RALGDS: variants seen among roughly 807,000 people sequenced by gnomAD.
The protein encoded by RALGDS is ral guanine nucleotide exchange factor.
A neutral mutation model predicts 99.8 loss-of-function variants in RALGDS; 44 were observed. The ratio of observed to expected loss-of-function variants is 0.44; its 90% CI spans 0.35 to 0.57. The LOEUF (loss-of-function observed/expected upper bound fraction) is 0.57, where lower values mean the gene tolerates loss of function less well. Ranked by LOEUF, RALGDS falls within the 20% of genes least tolerant of loss-of-function variation. The pLI is 0.01. For missense variants in RALGDS, 1,022 were observed against 1,203.1 expected (o/e 0.85, Z 2.23); for synonymous variants, 529 against 505.0 (o/e 1.05, Z -0.64).
chr9:133,122,705 C>G (rs542510904), upstream of RALGDS, among the ~76,000 whole-genome samples: 6 of 152,328 alleles, frequency 3.9e-5, no homozygotes, highest in African/African-American at 1.4e-4. Context: ...ATAATCAGCT[C>G]TATGTGATAA....
chr9:133,102,963 C>A (rs780381790), intron 12 of RALGDS, 63 bp from the exon 13 acceptor site: 6 of 1,601,734 alleles, frequency 3.7e-6, no homozygotes, highest in Non-Finnish European at 5.1e-6. Flanking sequence ...GGGCCAGTCT[C>A]TGGGTCTTTG....
intron 4 of RALGDS, among the ~76,000 whole-genome samples, chr9:133,109,087 C>G (rs560048669): frequency 6.6e-6 from 1 of 152,226 alleles, no homozygotes; most frequent in Non-Finnish European, 1.5e-5. Context: ...CCAGCACCCC[C>G]TCCTCGCTGG....
intron 3 of RALGDS, 113 bp from the exon 4 acceptor site, chr9:133,109,834 A>G: frequency 1.2e-6 from 1 of 805,440 alleles, no homozygotes; most frequent in Non-Finnish European, 2.1e-6. Flanking sequence ...ATGCCTAGAA[A>G]AGGGCCAGCA....
At chr9:133,127,851 AC>A (rs1832211242) in intron 1 of RALGDS, among the ~76,000 whole-genome samples, 3 of 152,270 alleles carry the variant, frequency 2.0e-5, no homozygotes, top group African/African-American at 7.2e-5. Context: ...TGTGACAGCA[AC>A]CCTCTGACCT....
Position 133,099,208 on chromosome 9 carries a change from C to T in RALGDS, c.2570-446G>A, listed in dbSNP as rs546913245. On this transcript the variant is annotated intron_variant, in intron 17 of 17. Transcript: ENST00000372050. ...GGCCTGTACTCCTTGAACCCTGGCA[C>T]CCGGCAAGCACTTCCTTTTGGCTCC... 8 of 173,760 alleles carry T rather than the reference C, an allele frequency of 4.6e-5. No individual in the cohort carries two copies. In the South Asian group the frequency reaches 8.3e-4, roughly 18 times the overall value. 10.8% of individuals were successfully genotyped at this position (173,760 alleles called of 1,614,324 possible).
intron 1 of RALGDS, among the ~76,000 whole-genome samples, chr9:133,138,924 G>A (rs1035811059): frequency 4.6e-5 from 7 of 152,212 alleles, no homozygotes; most frequent in East Asian, 1.9e-4. Flanking sequence ...ATGAGCCACC[G>A]CACCTGTCCA....
intron 1 of RALGDS, among the ~76,000 whole-genome samples, chr9:133,146,670 G>A (rs1832628922): frequency 6.6e-6 from 1 of 152,220 alleles, no homozygotes; most frequent in Non-Finnish European, 1.5e-5. Context: ...CACAGGTGAT[G>A]TGAGGTCACT....
intron 1 of RALGDS, among the ~76,000 whole-genome samples, chr9:133,147,936 G>A (rs1832652243): frequency 2.0e-5 from 3 of 152,150 alleles, no homozygotes; most frequent in South Asian, 2.1e-4. Context: ...CCAGGGCAAC[G>A]GCTCTGGCCC....
intron 1 of RALGDS, among the ~76,000 whole-genome samples, chr9:133,138,292 G>A (rs1332697840): frequency 6.6e-6 from 1 of 152,180 alleles, no homozygotes; most frequent in African/African-American, 2.4e-5. Flanking sequence ...GAGGGACACT[G>A]CTGTGTCCCA....
rs1830597121 is a variant in RALGDS, at chr9:133,098,481, T to A, written c.*106A>T. 2.5e-6 allele frequency: 3 copies of A among 1,199,002 alleles called. No homozygotes were observed. The highest frequency in any genetic ancestry group is 3.6e-6 in the Non-Finnish European group (3 of 827,238). 74.3% of individuals were successfully genotyped at this position (1,199,002 alleles called of 1,614,324 possible). ...AGAGGTTCAGGATGAAACTGGAGTC[T>A]GGGGTACCCTGGGCTGGCAGGTGGG... On this transcript the variant is annotated 3_prime_UTR_variant, in exon 18 of 18. Transcript: ENST00000372050.
chr9:133,139,715 A>C (rs1217685836), intron 1 of RALGDS, among the ~76,000 whole-genome samples: 1 of 152,176 alleles, frequency 6.6e-6, no homozygotes, highest in Non-Finnish European at 1.5e-5. Context: ...CCCTCCACCC[A>C]CACCCTGGCT....
At chr9:133,104,468 G>C in intron 9 of RALGDS, 137 bp from the exon 10 acceptor site, 1 of 792,414 alleles carries the variant, frequency 1.3e-6, no homozygotes, top group Non-Finnish European at 2.1e-6. Context: ...TCCTGGGCCG[G>C]TGGCCTGGCC....
At chr9:133,107,372 C>T in intron 6 of RALGDS, 72 bp from the exon 7 acceptor site, 1 of 1,333,754 alleles carries the variant, frequency 7.5e-7, no homozygotes, top group Non-Finnish European at 1.1e-6. Context: ...GCTGAGGATG[C>T]AGCTTGAGCC....
chr9:133,102,768 C>T lies in RALGDS; in HGVS notation c.1913+11G>A. 6.2e-7 allele frequency: 1 copy of T among 1,610,536 alleles called. No homozygotes were observed. The highest frequency in any genetic ancestry group is 8.5e-7 in the Non-Finnish European group (1 of 1,179,554). Reference sequence around the variant, plus strand: ...TGCCCCCACTGTCCCCATTTGCTGCCCCGGCCTCACCTCTCAGTCTCGCTG... The same window carrying T: ...TGCCCCCACTGTCCCCATTTGCTGCTCCGGCCTCACCTCTCAGTCTCGCTG... On this transcript the variant is annotated intron_variant, in intron 13 of 17. Transcript: ENST00000372050.
At chr9:133,114,592 T>G (rs1040586634) in intron 1 of RALGDS, among the ~76,000 whole-genome samples, 12 of 152,186 alleles carry the variant, frequency 7.9e-5, no homozygotes, top group Admixed American at 7.2e-4. Context: ...GGGCAGCGCC[T>G]GGGCCCCAGG....
chr9:133,138,897 A>G (rs472813), intron 1 of RALGDS, among the ~76,000 whole-genome samples: 91,361 of 151,994 alleles, frequency 0.6, 27,544 homozygotes, highest in East Asian at 0.67. Context: ...GACTTCCAAA[A>G]TGCTGGGAGT....
chr9:133,133,990 G>A (rs951580956), upstream of RALGDS, among the ~76,000 whole-genome samples: 3 of 152,194 alleles, frequency 2.0e-5, no homozygotes, highest in Non-Finnish European at 4.4e-5. Context: ...AGCAGAGGCC[G>A]AGGCCTGGCT....
At position 133,102,454 on chromosome 9, in the gene RALGDS, CCACCCTTG is replaced by C; in HGVS notation, c.2009+14_2009+21del. ...CTGAGCCCCAAGGCAGCTGCCCCTA[CCACCCTTG>C]GCCAGGCCCTTACTCGCTCCAGCGC... is the stretch of plus-strand genomic sequence containing the variant. On this transcript the variant is annotated intron_variant, in intron 14 of 17. Transcript: ENST00000372050. 6.2e-7 allele frequency: 1 copy of C among 1,609,838 alleles called. No homozygotes were observed. Among genetic ancestry groups the C allele is most frequent in the Non-Finnish European group, 8.5e-7 (1 of 1,176,374 alleles).
At chr9:133,137,406 G>A (rs962134286) in intron 1 of RALGDS, among the ~76,000 whole-genome samples, 2 of 152,242 alleles carry the variant, frequency 1.3e-5, no homozygotes, top group Non-Finnish European at 2.9e-5. Context: ...TGAGCTCGAT[G>A]GGCCAGACTC....
Sources: gnomAD v4.1 joint callset for allele counts (sites outside exome capture counted in the v4.1 genomes callset) on GRCh38, gnomAD v4.1.1 for gene constraint, MANE v1.5 for transcripts, NCBI Gene and HGNC (gene_info 2026-07-23, HGNC 2026-07-21) for gene names.